Variants in C2CD3 observed in about 807,000 individuals in gnomAD.
C2CD3 encodes C2 domain containing 3 centriole elongation regulator.
C2CD3 carries 148 observed loss-of-function variants against 234.0 expected under a neutral mutation model. That is an observed-to-expected ratio of 0.63 (90% CI 0.55 to 0.72). The LOEUF (loss-of-function observed/expected upper bound fraction) is 0.72, where lower values mean the gene tolerates loss of function less well. Ranked by LOEUF, C2CD3 falls within the 30% of genes least tolerant of loss-of-function variation. The pLI is 0.00. For missense variants in C2CD3, 2,577 were observed against 2,811.5 expected (o/e 0.92, Z 1.89); for synonymous variants, 1,000 against 1,035.4 (o/e 0.97, Z 0.66).
chr11:74,120,294 C>T (rs182929196), intron 8 of C2CD3, among the ~76,000 whole-genome samples: 2 of 152,200 alleles, frequency 1.3e-5, no homozygotes, highest in Non-Finnish European at 2.9e-5. Flanking sequence ...AACCACCCTA[C>T]AGGCCCTGGT....
At chr11:74,087,579 G>A (rs758819097) in intron 20 of C2CD3, among the ~76,000 whole-genome samples, 53 of 151,648 alleles carry the variant, frequency 3.5e-4, no homozygotes, top group Non-Finnish European at 6.2e-4. Flanking sequence ...AAAAAAAAAT[G>A]AGGATAAAAT....
At chr11:74,065,379 G>C (rs1437090824) in intron 24 of C2CD3, among the ~76,000 whole-genome samples, 1 of 152,180 alleles carries the variant, frequency 6.6e-6, no homozygotes, top group South Asian at 2.1e-4. Flanking sequence ...TCTCACACCA[G>C]TTAGAATGGC....
Position 74,138,873 on chromosome 11 carries a change from C to G in C2CD3, c.802G>C (p.Glu268Gln). The G allele has an allele frequency of 6.2e-7, 1 of 1,612,976 alleles. No individual in the cohort carries two copies. The highest frequency in any genetic ancestry group is 8.5e-7 in the Non-Finnish European group (1 of 1,178,990). Residue 268 changes from glutamate to glutamine, a missense_variant, in exon 5 of 33, where the codon GAG (glutamate) becomes CAG (glutamine). Coordinates refer to ENST00000334126, the MANE Select transcript of C2CD3 (RefSeq NM_001286577.2). ...GCTCTGCCTTTCAGAGTTACAGACTCTAAACTCTGTCCTGAATTAAGACTG... is the reference window on the plus strand; with the variant it reads ...GCTCTGCCTTTCAGAGTTACAGACTGTAAACTCTGTCCTGAATTAAGACTG... ...QHSLNSGQSLESVTLKGRAPR... is the reference protein window; with the variant it reads ...QHSLNSGQSLQSVTLKGRAPR...
intron 24 of C2CD3, among the ~76,000 whole-genome samples, chr11:74,060,961 G>A (rs1201952048): frequency 3.3e-5 from 5 of 152,188 alleles, no homozygotes; most frequent in African/African-American, 9.7e-5. Flanking sequence ...ACCATGGCAC[G>A]AGAACTATGT....
chr11:74,102,904 G>C (rs113572696), intron 14 of C2CD3, among the ~76,000 whole-genome samples: 12 of 152,296 alleles, frequency 7.9e-5, no homozygotes, highest in African/African-American at 2.6e-4. Context: ...GAAACAGTGA[G>C]AAACCATGTG....
chr11:74,082,867 G>C (rs910456904), intron 22 of C2CD3, among the ~76,000 whole-genome samples: 2 of 152,112 alleles, frequency 1.3e-5, no homozygotes, highest in Non-Finnish European at 2.9e-5. Flanking sequence ...CCATACTGCC[G>C]AAGGTAATTT....
rs529606285 is a variant in C2CD3, at chr11:74,078,291, G to A, written c.4427C>T (p.Thr1476Ile). ...GTACCAAAGCAGTGATGGGCCCCTG[G>A]TGACTTCTGCTCTTTTGGATGCCTT... ...TFKASKRAEV[T>I]RGPSLLWYFR... The change falls in exon 23 of 33, where the codon ACC (threonine) becomes ATC (isoleucine). Residue 1476 changes from threonine (T) to isoleucine (I), a missense_variant. Physicochemically the swap from Thr to Ile is moderately conservative, Grantham distance 89. Transcript: ENST00000334126. The A allele has an allele frequency of 2.5e-6, 4 of 1,614,148 alleles. No homozygotes were observed. In the South Asian group the frequency reaches 3.3e-5, roughly 13 times the overall value.
chr11:74,114,699 T>A, intron 9 of C2CD3, 106 bp from the exon 10 acceptor site: 1 of 726,136 alleles, frequency 1.4e-6, no homozygotes, highest in South Asian at 1.7e-5. Flanking sequence ...AGCAAGTTTT[T>A]ATTTTTTTAT....
At chr11:74,107,059 T>C (rs1055693025) in intron 12 of C2CD3, among the ~76,000 whole-genome samples, 1 of 152,192 alleles carries the variant, frequency 6.6e-6, no homozygotes, top group Non-Finnish European at 1.5e-5. Context: ...CGGTGGCCCA[T>C]GCCTGTAATC....
intron 24 of C2CD3, among the ~76,000 whole-genome samples, chr11:74,069,588 T>C (rs139359805): frequency 1.7e-4 from 26 of 152,364 alleles, no homozygotes; most frequent in African/African-American, 6.3e-4. Context: ...TAGGCATCTC[T>C]ATCCCTATTA....
At chr11:74,013,985 GT>G (rs1238830054) in intron 32 of C2CD3, among the ~76,000 whole-genome samples, 14 of 152,148 alleles carry the variant, frequency 9.2e-5, no homozygotes, top group Admixed American at 7.9e-4. Flanking sequence ...TACACTCTCT[GT>G]TTGGCCCTTT....
chr11:74,107,327 C>CACACACACACAG (rs1956564282), intron 12 of C2CD3, among the ~76,000 whole-genome samples: 5 of 150,606 alleles, frequency 3.3e-5, no homozygotes, highest in African/African-American at 1.2e-4. Flanking sequence ...CTGTGTCACA[C>CACACACACACAG]ACACACACAC....
intron 5 of C2CD3, among the ~76,000 whole-genome samples, chr11:74,136,518 C>T (rs1331005179): frequency 2.0e-5 from 3 of 152,216 alleles, no homozygotes; most frequent in East Asian, 3.8e-4. Flanking sequence ...TAAATGAGAG[C>T]TGCCCCCTTT....
chr11:74,060,332 C>T (rs1219510696), intron 24 of C2CD3, among the ~76,000 whole-genome samples: 4 of 152,228 alleles, frequency 2.6e-5, no homozygotes, highest in Non-Finnish European at 4.4e-5. Flanking sequence ...AAGTGGGTCC[C>T]TGACCCCTGA....
Position 74,090,941 on chromosome 11 carries a change from A to G in C2CD3, c.3518-5T>C. ...TTAGGCCCACATCCAGTAAACCTGA[A>G]GAATGAGGACACAAGGAAAGAAGGT... is the stretch of plus-strand genomic sequence containing the variant. On this transcript the variant is annotated splice_region_variant and splice_polypyrimidine_tract_variant and intron_variant, in intron 19 of 32. Coordinates refer to ENST00000334126, the MANE Select transcript of C2CD3 (RefSeq NM_001286577.2). 6.2e-7 allele frequency: 1 copy of G among 1,613,692 alleles called. No individual in the cohort carries two copies. The highest frequency in any genetic ancestry group is 1.1e-5 in the South Asian group (1 of 90,950).
At chr11:74,057,579 G>T in intron 24 of C2CD3, 35 bp from the exon 25 acceptor site, 1 of 1,609,626 alleles carries the variant, frequency 6.2e-7, no homozygotes, top group South Asian at 1.1e-5. Context: ...CTGTACTTTA[G>T]GGTACACAAG....
At chr11:74,121,837 G>A (rs972943279) in intron 8 of C2CD3, among the ~76,000 whole-genome samples, 4 of 152,022 alleles carry the variant, frequency 2.6e-5, no homozygotes, top group Non-Finnish European at 5.9e-5. Flanking sequence ...GACTGTGAAG[G>A]TGGGAAGTCA....
At chr11:74,021,924 G>A (rs1214312227) in intron 32 of C2CD3, among the ~76,000 whole-genome samples, 2 of 152,114 alleles carry the variant, frequency 1.3e-5, no homozygotes, top group Admixed American at 6.6e-5. Context: ...TCAGGAGTTC[G>A]AGACCAGCCT....
chr11:74,019,706 T>C (rs1952012955), intron 32 of C2CD3, among the ~76,000 whole-genome samples: 1 of 148,942 alleles, frequency 6.7e-6, no homozygotes, highest in Non-Finnish European at 1.5e-5. Context: ...AGACACAGTT[T>C]CACTCTGTCG....
Sources: gnomAD v4.1 joint callset for allele counts (sites outside exome capture counted in the v4.1 genomes callset) on GRCh38, gnomAD v4.1.1 for gene constraint, MANE v1.5 for transcripts, NCBI Gene and HGNC (gene_info 2026-07-23, HGNC 2026-07-21) for gene names.